Variants in CDKL5 observed in about 807,000 individuals in gnomAD.
CDKL5 encodes cyclin dependent kinase like 5, also known as cyclin-dependent kinase-like 5.
Under a neutral mutation model 61.7 loss-of-function variants are expected in CDKL5, and 8 were observed. The ratio of observed to expected loss-of-function variants is 0.13; its 90% CI spans 0.08 to 0.23. CDKL5 has a LOEUF of 0.23. Among genes scored for constraint, CDKL5 ranks in the 10% least tolerant of loss-of-function variants. The probability of loss-of-function intolerance (pLI) is 1.00; values close to 1 mark genes in which losing one functional copy is unlikely to be tolerated. For synonymous variants in CDKL5, 275 were observed against 272.3 expected, an observed-to-expected ratio of 1.01 and a Z score of -0.10; for missense variants, 440 against 734.5, an observed-to-expected ratio of 0.60 and a Z score of 4.63.
At chrX:18,433,002 C>T (rs1490952815) in intron 1 of CDKL5, among the ~76,000 whole-genome samples, 1 of 110,540 alleles carries the variant, frequency 9.0e-6, no homozygotes, top group Admixed American at 9.6e-5. Flanking sequence ...CCGAGGCGGG[C>T]GGATCATTTG....
In CDKL5 at chrX:18,547,277, A is replaced by C. The variant is rs761741376; in HGVS notation, c.100-17200A>C. The stretch of plus-strand genomic sequence containing the variant: ...TGATTAGGTGTGACATGAGCAAGGG[A>C]GCTTTTCCTTACAAATTAGGAGGTA... On this transcript the variant is annotated intron_variant, in intron 3 of 17. Transcript: ENST00000623535. Among the ~76,000 whole-genome samples, 4 of 112,240 alleles carry C rather than the reference A, an allele frequency of 3.6e-5. No individual in the cohort carries two copies. In the East Asian group the frequency reaches 1.1e-3, roughly 31 times the overall value.
Position 18,632,287 on chromosome X carries a change from T to C in CDKL5, c.*3530T>C. 1.3e-6 allele frequency: 1 copy of C among 753,627 alleles called. No homozygotes were observed. Among genetic ancestry groups the C allele is most frequent in the Non-Finnish European group, 1.6e-6 (1 of 638,581 alleles). The allele number at this position is 753,627 out of a possible 1,213,427, so 62.1% of individuals were successfully genotyped here. A position where few individuals can be genotyped will look rare whatever the true frequency, so the allele number is the denominator to read the frequency against. On this transcript the variant is annotated 3_prime_UTR_variant, in exon 18 of 18. Transcript: ENST00000623535. Reference sequence around the variant, plus strand: ...TGTCTTGGGCCTGCTAAAAGGTGCATACTTTGGAAGGAGACCAGAGTTACT... The same window carrying C: ...TGTCTTGGGCCTGCTAAAAGGTGCACACTTTGGAAGGAGACCAGAGTTACT...
chrX:18,537,787 C>T (rs912832577), intron 3 of CDKL5, among the ~76,000 whole-genome samples: 7 of 112,466 alleles, frequency 6.2e-5, no homozygotes, highest in Non-Finnish European at 1.1e-4. Context: ...GCTTTATTCA[C>T]TCAGCACAAC....
chrX:18,566,654 G>A (rs1924979056), intron 4 of CDKL5, among the ~76,000 whole-genome samples: 1 of 111,738 alleles, frequency 8.9e-6, no homozygotes, highest in African/African-American at 3.3e-5. Flanking sequence ...AGAAGCATAT[G>A]ACCTATTAGG....
chrX:18,564,005 G>A (rs952806938), intron 3 of CDKL5, among the ~76,000 whole-genome samples: 3 of 111,779 alleles, frequency 2.7e-5, no homozygotes, highest in African/African-American at 9.8e-5. Context: ...ATTTGCAGTG[G>A]CCATCAATAG....
At chrX:18,578,466 C>T (rs759188260) in intron 5 of CDKL5, among the ~76,000 whole-genome samples, 1 of 111,654 alleles carries the variant, frequency 9.0e-6, no homozygotes, top group African/African-American at 3.2e-5. Context: ...GGTCTTATGG[C>T]CCCTTCACAC....
intron 1 of CDKL5, among the ~76,000 whole-genome samples, chrX:18,456,031 A>C (rs1416435476): frequency 9.1e-6 from 1 of 110,192 alleles, no homozygotes; most frequent in Non-Finnish European, 1.9e-5. Context: ...GTCACAACCC[A>C]ATCTTTTTCT....
intron 1 of CDKL5, among the ~76,000 whole-genome samples, chrX:18,467,758 A>G (rs752297828): frequency 2.9e-4 from 33 of 112,327 alleles, no homozygotes; most frequent in African/African-American, 1.0e-3. Flanking sequence ...AGGACCAGCA[A>G]GAGACAGTTA....
chrX:18,509,610 A>C (rs759065045), intron 2 of CDKL5, among the ~76,000 whole-genome samples: 2 of 111,583 alleles, frequency 1.8e-5, no homozygotes, highest in South Asian at 3.8e-4. Flanking sequence ...TAGATTTTTC[A>C]CATTATAATT....
intron 19 of CDKL5, chrX:18,645,997 CACTA>C (rs1170604831): frequency 8.3e-7 from 1 of 1,211,478 alleles, no homozygotes; most frequent in Non-Finnish European, 1.1e-6. Context: ...TGTTTCTCCC[CACTA>C]ACTAGACGGT....
intron 5 of CDKL5, 58 bp downstream of exon 5, chrX:18,575,548 C>A: frequency 9.3e-7 from 1 of 1,075,858 alleles, no homozygotes; most frequent in African/African-American, 1.8e-5. Context: ...AAGGCTGTTT[C>A]TGACATTATT....
At chrX:18,568,721 T>G (rs1439931786) in intron 4 of CDKL5, among the ~76,000 whole-genome samples, 1 of 110,730 alleles carries the variant, frequency 9.0e-6, no homozygotes, top group African/African-American at 3.3e-5. Context: ...TGTGACAGGG[T>G]CTTGCTTTGT....
In CDKL5 at chrX:18,646,196, G is replaced by A. The variant is rs1319706068; in HGVS notation, c.2797+106G>A. The A allele has an allele frequency of 3.5e-6, 4 of 1,136,365 alleles. No individual in the cohort carries two copies. In the African/African-American group the frequency reaches 7.2e-5, roughly 20 times the overall value. 93.6% of individuals were successfully genotyped at this position (1,136,365 alleles called of 1,213,427 possible). Reference sequence around the variant, plus strand: ...AGACAGAGTCTTGCTCTGTCGCCCAGGCTGGTGTGCAGTGGCACACAATCT... The same window carrying A: ...AGACAGAGTCTTGCTCTGTCGCCCAAGCTGGTGTGCAGTGGCACACAATCT... On this transcript the variant is annotated intron_variant, in intron 20 of 21. Transcript: ENST00000379989.
chrX:18,483,979 G>A lies in CDKL5; in HGVS notation c.-162-22956G>A, dbSNP rs749438897. ...TGAGAAGTAGGCTCCTTAGTCACCA[G>A]GAGGCTATCTGATTTTCCCACTTAC... On this transcript the variant is annotated intron_variant, in intron 1 of 17. Coordinates refer to ENST00000623535, the MANE Select transcript of CDKL5 (RefSeq NM_001323289.2). 2.7e-5 allele frequency among the ~76,000 whole-genome samples: 3 copies of A among 111,730 alleles called. No homozygotes were observed. The East Asian group carries it at 8.5e-4, about 32-fold the overall frequency.
chrX:18,436,137 T>C (rs926336429), intron 1 of CDKL5, among the ~76,000 whole-genome samples: 1 of 111,720 alleles, frequency 9.0e-6, no homozygotes, highest in African/African-American at 3.3e-5. Flanking sequence ...GAAAATGTTA[T>C]TAAAATCATA....
chrX:18,547,407 A>C (rs1924236883), intron 3 of CDKL5, among the ~76,000 whole-genome samples: 1 of 112,050 alleles, frequency 8.9e-6, no homozygotes, highest in Non-Finnish European at 1.9e-5. Flanking sequence ...AATATTTTAA[A>C]TTTTCATTAT....
chrX:18,616,635 A>G (rs1477576863), intron 15 of CDKL5, among the ~76,000 whole-genome samples: 2 of 110,781 alleles, frequency 1.8e-5, no homozygotes, highest in African/African-American at 3.3e-5. Context: ...AAAAAAAAAA[A>G]AAAGAAAGAA....
rs1443413743 is a variant in CDKL5, at chrX:18,608,543, G to A, written c.1945-268G>A. Among the ~76,000 whole-genome samples, 4 of 110,988 alleles carry A rather than the reference G, an allele frequency of 3.6e-5. No individual in the cohort carries two copies. In the South Asian group the frequency reaches 1.1e-3, roughly 31 times the overall value. ...AGATATTAGAATGGTAATTTTTTTT[G>A]TTTTTAATAATTAATTGAACTATTT... On this transcript the variant is annotated intron_variant, in intron 12 of 17. Transcript: ENST00000623535.
chrX:18,603,865 G>A (rs367713092), intron 11 of CDKL5, 37 bp from the exon 12 acceptor site: 1 of 1,203,431 alleles, frequency 8.3e-7, no homozygotes, highest in Non-Finnish European at 1.1e-6. Flanking sequence ...GTCAGCTATT[G>A]AGGGAAACTG....
Sources: gnomAD v4.1 joint callset for allele counts (sites outside exome capture counted in the v4.1 genomes callset) on GRCh38, gnomAD v4.1.1 for gene constraint, MANE v1.5 for transcripts, NCBI Gene and HGNC (gene_info 2026-07-23, HGNC 2026-07-21) for gene names.